The following SMAD3 variants were observed in gnomAD, a reference collection of about 807,000 sequenced individuals.
The protein encoded by SMAD3 is MAD homolog 3.
A neutral mutation model predicts 51.8 loss-of-function variants in SMAD3; 12 were observed. The observed-to-expected ratio is 0.23, with a 90% CI of 0.15 to 0.38. The LOEUF is 0.38. SMAD3 is among the 10% of genes least tolerant of loss of function. The probability of loss-of-function intolerance (pLI) is 1.00; values close to 1 mark genes in which losing one functional copy is unlikely to be tolerated. For missense variants in SMAD3, 294 were observed against 565.6 expected (o/e 0.52, Z 4.87); for synonymous variants, 238 against 227.7 (o/e 1.05, Z -0.41).
At chr15:67,154,138 A>T (rs73483379) in intron 1 of SMAD3, among the ~76,000 whole-genome samples, 381 of 152,244 alleles carry the variant, frequency 2.5e-3, no homozygotes, top group African/African-American at 8.8e-3. Context: ...TGCTCTGGAG[A>T]ACTAGCAGAG....
At chr15:67,151,204 ATT>A (rs1464103054) in intron 1 of SMAD3, among the ~76,000 whole-genome samples, 1 of 151,882 alleles carries the variant, frequency 6.6e-6, no homozygotes, top group Non-Finnish European at 1.5e-5. Flanking sequence ...GAAGGCCCAG[ATT>A]TGTGTTTCAG....
rs185078660 is a variant in SMAD3 at position 67,189,590 on chromosome 15, C to T, written c.1155-823C>T. On this transcript the variant is annotated intron_variant, in intron 8 of 8. Coordinates refer to ENST00000327367, the MANE Select transcript of SMAD3 (RefSeq NM_005902.4). ...CAGAACAGCCTTGTCGTCCTCCTGCCTCTTGGGCCAAGGAGAGTAAGGTTT... is the reference window on the plus strand; with the variant it reads ...CAGAACAGCCTTGTCGTCCTCCTGCTTCTTGGGCCAAGGAGAGTAAGGTTT... Among the ~76,000 whole-genome samples, 1,179 of 152,352 alleles carry T rather than the reference C, an allele frequency of 7.7e-3. 9 individuals carry two copies. Among genetic ancestry groups the T allele is most frequent in the Non-Finnish European group, 0.013 (911 of 68,042 alleles).
chr15:67,170,643 A>G (rs751488703), intron 5 of SMAD3, 39 bp downstream of exon 5: 1 of 1,587,840 alleles, frequency 6.3e-7, no homozygotes, highest in East Asian at 2.2e-5. Context: ...AACCCCCTCT[A>G]GCTGCAGCCC....
intron 1 of SMAD3, among the ~76,000 whole-genome samples, chr15:67,111,675 A>G (rs1961017072): frequency 1.3e-5 from 2 of 152,110 alleles, no homozygotes; most frequent in African/African-American, 4.8e-5. Context: ...TGTCTGTTTT[A>G]TTTTAGCCAT....
chr15:67,142,970 A>G (rs1032698678), intron 1 of SMAD3: 3 of 346,872 alleles, frequency 8.6e-6, no homozygotes, highest in Non-Finnish European at 1.8e-5. Context: ...CTTTTGCTCA[A>G]TGAATCATTC....
chr15:67,069,768 A>G (rs576774512), intron 1 of SMAD3, among the ~76,000 whole-genome samples: 1 of 151,950 alleles, frequency 6.6e-6, no homozygotes, highest in Admixed American at 6.6e-5. Context: ...GCGCAGTGGC[A>G]TGATCTTAGC....
At chr15:67,148,897 A>G (rs1459208186) in intron 1 of SMAD3, among the ~76,000 whole-genome samples, 4 of 152,210 alleles carry the variant, frequency 2.6e-5, no homozygotes, top group African/African-American at 9.7e-5. Context: ...TCCATCCAGG[A>G]TGCAGGCAAA....
intron 1 of SMAD3, among the ~76,000 whole-genome samples, chr15:67,147,991 A>G (rs1191715079): frequency 6.6e-6 from 1 of 152,204 alleles, no homozygotes; most frequent in Non-Finnish European, 1.5e-5. Context: ...CTCCATGTAC[A>G]GTAGGGAAGA....
In SMAD3 at chr15:67,066,259, C is replaced by T; in HGVS notation, c.105C>T (p.Val35=). 6.2e-7 allele frequency: 1 copy of T among 1,613,752 alleles called. No individual in the cohort carries two copies. Among genetic ancestry groups the T allele is most frequent in the Non-Finnish European group, 8.5e-7 (1 of 1,179,866 alleles). ...GQEEKWCEKA[V]KSLVKKLKKT... is the part of the protein sequence containing the mutation. The stretch of plus-strand genomic sequence containing the variant: ...AGGAGAAATGGTGCGAGAAGGCGGT[C>T]AAGAGCCTGGTCAAGAAACTCAAGA... Residue 35 remains valine (V), a synonymous_variant, in exon 1 of 9, where the codon GTC becomes GTT. Coordinates refer to ENST00000327367, the MANE Select transcript of SMAD3 (RefSeq NM_005902.4).
At chr15:67,104,116 C>T (rs939704049) in intron 1 of SMAD3, among the ~76,000 whole-genome samples, 7 of 152,112 alleles carry the variant, frequency 4.6e-5, no homozygotes, top group African/African-American at 1.4e-4. Flanking sequence ...CAGATAAGAT[C>T]GGATTTCAGG....
intron 1 of SMAD3, among the ~76,000 whole-genome samples, chr15:67,067,964 T>C (rs1959966380): frequency 6.6e-6 from 1 of 152,168 alleles, no homozygotes; most frequent in African/African-American, 2.4e-5. Flanking sequence ...ACCTACCTTC[T>C]CCTTATCTGC....
intron 1 of SMAD3, chr15:67,099,075 A>G (rs747903781): frequency 1.4e-6 from 1 of 698,114 alleles, no homozygotes; most frequent in Non-Finnish European, 2.6e-6. Context: ...CTGTTGATTC[A>G]TGTGTCAGCC....
chr15:67,087,335 C>A (rs1960415079), intron 1 of SMAD3, among the ~76,000 whole-genome samples: 1 of 152,258 alleles, frequency 6.6e-6, no homozygotes, highest in Non-Finnish European at 1.5e-5. Context: ...TCTTTGTCTG[C>A]AAGTGGGGGG....
intron 1 of SMAD3, among the ~76,000 whole-genome samples, chr15:67,080,222 A>G (rs755801540): frequency 2.0e-5 from 3 of 152,226 alleles, no homozygotes; most frequent in Non-Finnish European, 4.4e-5. Flanking sequence ...CTGCTATTCT[A>G]AGTGAAAGGA....
intron 1 of SMAD3, among the ~76,000 whole-genome samples, chr15:67,122,667 T>TA (rs893252664): frequency 3.9e-5 from 6 of 152,166 alleles, no homozygotes; most frequent in African/African-American, 1.4e-4. Flanking sequence ...CTTAGGAAAG[T>TA]AATCACTCCA....
At chr15:67,097,269 G>A (rs1246035968) in intron 1 of SMAD3, among the ~76,000 whole-genome samples, 1 of 152,042 alleles carries the variant, frequency 6.6e-6, no homozygotes, top group African/African-American at 2.4e-5. Context: ...AGGCTGGAAG[G>A]CAGTGGTATG....
chr15:67,134,390 G>C (rs1335079384), intron 1 of SMAD3, among the ~76,000 whole-genome samples: 4 of 152,176 alleles, frequency 2.6e-5, no homozygotes, highest in Non-Finnish European at 5.9e-5. Flanking sequence ...AGAGATGCAG[G>C]AAAGGCCTTT....
intron 1 of SMAD3, 76 bp from the exon 2 acceptor site, chr15:67,164,819 A>G: frequency 3.4e-6 from 5 of 1,480,762 alleles, no homozygotes; most frequent in Non-Finnish European, 3.8e-6. Context: ...AGTGTCTGAA[A>G]GTAGGAGGCC....
intron 1 of SMAD3, among the ~76,000 whole-genome samples, chr15:67,117,842 A>AG (rs1225150076): frequency 6.6e-6 from 1 of 152,220 alleles, no homozygotes; most frequent in Admixed American, 6.5e-5. Flanking sequence ...CTGTAATCCC[A>AG]GCACTTTGGG....
Sources: allele counts gnomAD v4.1 joint callset (sites outside exome capture counted in the v4.1 genomes callset), GRCh38; gene constraint gnomAD v4.1.1; transcripts MANE v1.5; gene names NCBI Gene and HGNC (gene_info 2026-07-23, HGNC 2026-07-21).